Variants in THOC7 observed in about 807,000 individuals in gnomAD.
The protein encoded by THOC7 is THO complex subunit 7, also known as NIF3L1-binding protein 1.
A neutral mutation model predicts 33.1 loss-of-function variants in THOC7; 22 were observed. The observed-to-expected ratio is 0.66, with a 90% CI of 0.47 to 0.95. THOC7 has a LOEUF of 0.95. THOC7 is among the 40% of genes least tolerant of loss of function. THOC7 has a pLI of 0.00. For missense variants in THOC7, 184 were observed against 245.3 expected (o/e 0.75, Z 1.67); for synonymous variants, 77 against 76.8 (o/e 1.00, Z -0.01).
chr3:63,846,147 CTT>C (rs1465024964), intron 1 of THOC7: 12 of 429,088 alleles, frequency 2.8e-5, no homozygotes, highest in Non-Finnish European at 5.1e-5. Flanking sequence ...CTCTCTCTCT[CTT>C]TCTTTGCCTG....
At chr3:63,863,353 G>A (rs984548018) in intron 1 of THOC7, among the ~76,000 whole-genome samples, 2 of 152,036 alleles carry the variant, frequency 1.3e-5, no homozygotes, top group Non-Finnish European at 2.9e-5. Context: ...CCTAAGCCCG[G>A]CACCACTGTC....
intron 1 of THOC7, chr3:63,861,750 A>C (rs1385111256): frequency 6.6e-6 from 1 of 151,642 alleles, no homozygotes; most frequent in African/African-American, 2.4e-5. Context: ...CTCTTCCTCT[A>C]ATCATTCTGC....
chr3:63,858,823 A>G (rs1222390006), intron 1 of THOC7, among the ~76,000 whole-genome samples: 1 of 152,222 alleles, frequency 6.6e-6, no homozygotes, highest in East Asian at 1.9e-4. Flanking sequence ...AAAGACCTCT[A>G]CTTTTTCACT....
At chr3:63,849,343 G>A (rs1261678051) in intron 1 of THOC7, among the ~76,000 whole-genome samples, 2 of 152,154 alleles carry the variant, frequency 1.3e-5, no homozygotes, top group African/African-American at 4.8e-5. Flanking sequence ...GGCCAAGACT[G>A]CGTCACTGCC....
intron 1 of THOC7, among the ~76,000 whole-genome samples, chr3:63,840,582 G>A (rs1276992251): frequency 2.0e-5 from 3 of 152,114 alleles, no homozygotes; most frequent in South Asian, 2.1e-4. Context: ...GCAACAAAGC[G>A]AGATGCTGTC....
intron 1 of THOC7, among the ~76,000 whole-genome samples, chr3:63,849,436 T>G (rs1396750082): frequency 6.6e-6 from 1 of 152,146 alleles, no homozygotes; most frequent in African/African-American, 2.4e-5. Flanking sequence ...TTATAGTGAA[T>G]GAGTAAAGGT....
At chr3:63,863,900 A>AGGC, upstream of THOC7, 2 of 1,101,694 alleles carry the variant, frequency 1.8e-6, no homozygotes, top group African/African-American at 1.7e-5. Flanking sequence ...ATGGAGGAGG[A>AGGC]GGCGGCGGCG....
chr3:63,840,647 G>C (rs556684345), intron 1 of THOC7, among the ~76,000 whole-genome samples: 1 of 152,292 alleles, frequency 6.6e-6, no homozygotes, highest in Non-Finnish European at 1.5e-5. Context: ...TGGCCAACAA[G>C]TGGGGTCCAA....
intron 1 of THOC7, among the ~76,000 whole-genome samples, chr3:63,852,674 C>T (rs1702040764): frequency 6.6e-6 from 1 of 152,146 alleles, no homozygotes; most frequent in South Asian, 2.1e-4. Context: ...AAATACTATA[C>T]TTGTACATCT....
chr3:63,843,626 C>T (rs560215749), intron 1 of THOC7, among the ~76,000 whole-genome samples: 7 of 151,852 alleles, frequency 4.6e-5, no homozygotes, highest in East Asian at 2.0e-4. Flanking sequence ...GTGGGCTGGG[C>T]GTGGTGGCTC....
intron 1 of THOC7, among the ~76,000 whole-genome samples, chr3:63,852,288 T>C (rs1702035655): frequency 6.6e-6 from 1 of 152,166 alleles, no homozygotes; most frequent in Admixed American, 6.6e-5. Flanking sequence ...AGTGCAGTGC[T>C]GAGCAGTATA....
At chr3:63,853,010 G>A (rs550267378) in intron 1 of THOC7, among the ~76,000 whole-genome samples, 1 of 152,186 alleles carries the variant, frequency 6.6e-6, no homozygotes, top group Admixed American at 6.5e-5. Context: ...AATTAGCTGG[G>A]CGTGGTGGCA....
At chr3:63,850,441 T>C (rs1006797889) in intron 1 of THOC7, among the ~76,000 whole-genome samples, 1 of 151,764 alleles carries the variant, frequency 6.6e-6, no homozygotes, top group Non-Finnish European at 1.5e-5. Context: ...CCTCAAATGA[T>C]CCACCCACCT....
chr3:63,835,380 C>T lies in THOC7; in HGVS notation c.421G>A (p.Ala141Thr), dbSNP rs1437441906. 2 of 1,613,184 alleles carry T rather than the reference C, an allele frequency of 1.2e-6. No individual in the cohort carries two copies. The highest frequency in any genetic ancestry group is 1.7e-5 in the Admixed American group (1 of 59,984). The change falls in exon 6 of 8, where the codon GCT (alanine) becomes ACT (threonine). Residue 141 changes from alanine (A) to threonine (T), a missense_variant. By Grantham distance (58) the Ala-to-Thr change is moderately conservative. Coordinates refer to ENST00000295899, the MANE Select transcript of THOC7 (RefSeq NM_025075.4). ...DRHETLKELE[A>T]LGKELEHLSH... ...AGATGCTCTAATTCTTTTCCCAGAG[C>T]CTCTAGTTCCCTGGAAATAATAAAA...
chr3:63,853,614 A>T (rs1231658439), intron 1 of THOC7, among the ~76,000 whole-genome samples: 4 of 152,230 alleles, frequency 2.6e-5, no homozygotes, highest in Non-Finnish European at 1.5e-5. Flanking sequence ...TGTTTATGTT[A>T]AATTTAATTC....
At chr3:63,845,177 T>C in intron 1 of THOC7, 1 of 517,146 alleles carries the variant, frequency 1.9e-6, no homozygotes, top group Non-Finnish European at 3.5e-6. Context: ...TCTGCTCTCT[T>C]TAAGTATTTA....
intron 1 of THOC7, among the ~76,000 whole-genome samples, chr3:63,840,851 G>T (rs1461588874): frequency 1.3e-5 from 2 of 152,170 alleles, no homozygotes; most frequent in East Asian, 3.9e-4. Context: ...ATGCAAACTG[G>T]TAATTCTTTG....
intron 1 of THOC7, among the ~76,000 whole-genome samples, chr3:63,858,926 G>C (rs2107166829): frequency 6.6e-6 from 1 of 152,260 alleles, no homozygotes; most frequent in Non-Finnish European, 1.5e-5. Flanking sequence ...AGGAAATAAA[G>C]GGCTGCTTCT....
chr3:63,864,136 C>G (rs1346532724), upstream of THOC7, among the ~76,000 whole-genome samples: 2 of 149,244 alleles, frequency 1.3e-5, no homozygotes, highest in South Asian at 2.1e-4. Context: ...GAGGCCGCCC[C>G]GGAGGCCGCA....
Sources: allele counts gnomAD v4.1 joint callset (sites outside exome capture counted in the v4.1 genomes callset), GRCh38; gene constraint gnomAD v4.1.1; transcripts MANE v1.5; gene names NCBI Gene and HGNC (gene_info 2026-07-23, HGNC 2026-07-21).